Variants in CSMD1 observed in about 807,000 individuals in gnomAD.
CSMD1 encodes the protein CUB and Sushi multiple domains 1.
CSMD1 carries 213 observed loss-of-function variants against 417.5 expected under a neutral mutation model. The ratio of observed to expected loss-of-function variants is 0.51; its 90% confidence interval spans 0.46 to 0.57. The LOEUF (loss-of-function observed/expected upper bound fraction) is 0.57. Among genes scored for constraint, CSMD1 ranks in the 20% least tolerant of loss-of-function variants. CSMD1 has a pLI of 0.00. For missense variants in CSMD1, 6,923 were observed against 4,529.7 expected, an observed-to-expected ratio of 1.53 and a Z score of -15.17; for synonymous variants, 2,862 against 1,736.8, an observed-to-expected ratio of 1.65 and a Z score of -16.11.
chr8:4,756,689 T>C (rs1378534850), intron 1 of CSMD1, among the ~76,000 whole-genome samples: 2 of 152,218 alleles, frequency 1.3e-5, no homozygotes, highest in African/African-American at 4.8e-5. Context: ...AGTCAATTTC[T>C]AGTTTTCACC....
At chr8:4,420,408 G>A (rs1797180590) in intron 2 of CSMD1, among the ~76,000 whole-genome samples, 1 of 151,872 alleles carries the variant, frequency 6.6e-6, no homozygotes, top group Non-Finnish European at 1.5e-5. Context: ...GGGTACATGT[G>A]CAATATGTGC....
intron 5 of CSMD1, among the ~76,000 whole-genome samples, chr8:3,990,505 T>G (rs1390380575): frequency 6.6e-6 from 1 of 152,214 alleles, no homozygotes; most frequent in Non-Finnish European, 1.5e-5. Context: ...GACAATTTTA[T>G]GGAATCTTAG....
intron 5 of CSMD1, among the ~76,000 whole-genome samples, chr8:3,935,026 C>G (rs773858023): frequency 3.3e-5 from 5 of 152,144 alleles, no homozygotes; most frequent in Non-Finnish European, 7.3e-5. Context: ...TATCTGAACT[C>G]CAAAGCTAGT....
At chr8:4,039,885 G>C (rs779096352) in intron 3 of CSMD1, among the ~76,000 whole-genome samples, 1 of 152,148 alleles carries the variant, frequency 6.6e-6, no homozygotes, top group East Asian at 1.9e-4. Flanking sequence ...AAATTACTTA[G>C]ATCTTAGTTT....
chr8:3,875,287 T>A (rs1805741540), intron 5 of CSMD1, among the ~76,000 whole-genome samples: 1 of 152,176 alleles, frequency 6.6e-6, no homozygotes, highest in Non-Finnish European at 1.5e-5. Flanking sequence ...ATATTTACAC[T>A]GCATTAAGGA....
At chr8:3,103,099 C>A (rs528778304) in intron 46 of CSMD1, among the ~76,000 whole-genome samples, 1 of 152,280 alleles carries the variant, frequency 6.6e-6, no homozygotes, top group Admixed American at 6.5e-5. Flanking sequence ...GCACTCAGAC[C>A]TTAGCTGTAG....
At chr8:4,484,241 A>T (rs756763758) in intron 2 of CSMD1, among the ~76,000 whole-genome samples, 2 of 152,094 alleles carry the variant, frequency 1.3e-5, no homozygotes, top group Non-Finnish European at 2.9e-5. Flanking sequence ...TGTTTTCAAA[A>T]ATTCTATGGA....
intron 10 of CSMD1, among the ~76,000 whole-genome samples, chr8:3,570,383 C>G (rs549323200): frequency 1.3e-5 from 2 of 152,284 alleles, no homozygotes; most frequent in South Asian, 4.1e-4. Context: ...GCAATTGGAC[C>G]ACAGGCATTT....
chr8:4,292,171 A>G (rs775440822), intron 3 of CSMD1, among the ~76,000 whole-genome samples: 7 of 152,184 alleles, frequency 4.6e-5, no homozygotes, highest in Admixed American at 3.9e-4. Context: ...CCGGTCATAG[A>G]TTTCAGAAGG....
At chr8:4,281,925 T>A (rs142474048) in intron 3 of CSMD1, among the ~76,000 whole-genome samples, 1 of 152,204 alleles carries the variant, frequency 6.6e-6, no homozygotes, top group South Asian at 2.1e-4. Flanking sequence ...TTTGATGACA[T>A]AGATGCTGGT....
intron 7 of CSMD1, among the ~76,000 whole-genome samples, chr8:3,623,737 AG>A (rs1796367009): frequency 6.6e-6 from 1 of 152,112 alleles, no homozygotes; most frequent in Non-Finnish European, 1.5e-5. Context: ...GCACTTTGGG[AG>A]GCCAAGGCAG....
At chr8:3,392,970 G>A (rs982473564) in intron 17 of CSMD1, among the ~76,000 whole-genome samples, 1 of 152,006 alleles carries the variant, frequency 6.6e-6, no homozygotes, top group Admixed American at 6.5e-5. Context: ...TAAAATCCCA[G>A]GCCTTTCCTG....
intron 5 of CSMD1, among the ~76,000 whole-genome samples, chr8:3,983,538 T>G (rs1323572955): frequency 6.6e-6 from 1 of 152,214 alleles, no homozygotes; most frequent in Non-Finnish European, 1.5e-5. Context: ...GGATGCCATT[T>G]CAGTGCCGTG....
chr8:4,766,936 G>C (rs989819179), intron 1 of CSMD1, among the ~76,000 whole-genome samples: 4 of 152,152 alleles, frequency 2.6e-5, no homozygotes, highest in Non-Finnish European at 5.9e-5. Context: ...AATATGTACA[G>C]AGACACTTTG....
At chr8:3,466,406 G>A (rs947111826) in intron 12 of CSMD1, among the ~76,000 whole-genome samples, 4 of 148,222 alleles carry the variant, frequency 2.7e-5, no homozygotes, top group Non-Finnish European at 6.0e-5. Context: ...TATATTTTCT[G>A]ATAATTTTTT....
intron 1 of CSMD1, among the ~76,000 whole-genome samples, chr8:4,944,771 G>T (rs768656847): frequency 1.3e-5 from 2 of 152,100 alleles, no homozygotes; most frequent in Non-Finnish European, 2.9e-5. Context: ...AGGATGTAAA[G>T]GGATGGCAAA....
At chr8:2,973,787 T>C (rs952611820) in intron 56 of CSMD1, among the ~76,000 whole-genome samples, 3 of 152,234 alleles carry the variant, frequency 2.0e-5, no homozygotes, top group African/African-American at 7.2e-5. Flanking sequence ...ATGTTTTTTT[T>C]CTTCCAAAGA....
intron 5 of CSMD1, among the ~76,000 whole-genome samples, chr8:3,877,601 C>G (rs1261289042): frequency 1.3e-5 from 2 of 152,180 alleles, no homozygotes; most frequent in Non-Finnish European, 2.9e-5. Context: ...ATCTAACAAC[C>G]AGAATCCACA....
intron 3 of CSMD1, among the ~76,000 whole-genome samples, chr8:4,126,885 C>G (rs1488482199): frequency 6.6e-6 from 1 of 152,098 alleles, no homozygotes. Flanking sequence ...GCATCTGTCT[C>G]CTGGGAATGG....
Sources: allele counts gnomAD v4.1 joint callset (sites outside exome capture counted in the v4.1 genomes callset), GRCh38; gene constraint gnomAD v4.1.1; transcripts MANE v1.5; gene names NCBI Gene and HGNC (gene_info 2026-07-23, HGNC 2026-07-21).